ZC3H7A: variants seen among roughly 807,000 people sequenced by gnomAD.
ZC3H7A encodes zinc finger CCCH domain-containing protein 7A.
In ZC3H7A, 44 loss-of-function variants were observed where a neutral mutation model predicts 125.5. The observed-to-expected ratio is 0.35, with a 90% CI of 0.28 to 0.45. The LOEUF (loss-of-function observed/expected upper bound fraction) is 0.45. Ranked by LOEUF, ZC3H7A falls within the 20% of genes least tolerant of loss-of-function variation. ZC3H7A has a pLI of 1.00. For synonymous variants in ZC3H7A, 399 were observed against 391.2 expected (o/e 1.02, Z -0.23); for missense variants, 977 against 1,170.7 (o/e 0.83, Z 2.41).
chr16:11,792,266 A>C (rs2141223251), intron 1 of ZC3H7A, among the ~76,000 whole-genome samples: 1 of 152,350 alleles, frequency 6.6e-6, no homozygotes, highest in East Asian at 1.9e-4. Context: ...TAAGAATTTC[A>C]TTAAATTAAC....
chr16:11,795,335 C>A (rs2053419391), intron 1 of ZC3H7A, among the ~76,000 whole-genome samples: 1 of 152,208 alleles, frequency 6.6e-6, no homozygotes, highest in South Asian at 2.1e-4. Flanking sequence ...CTTCTCAGGG[C>A]CACCACCCAT....
rs547930710 is a variant in ZC3H7A at position 11,768,901 on chromosome 16, C to G, written c.1173+130G>C. On this transcript the variant is annotated intron_variant, in intron 11 of 22. Coordinates refer to ENST00000355758, the MANE Select transcript of ZC3H7A (RefSeq NM_014153.4). ...ATTACTAGATGTTCCAGAAGTCTTA[C>G]TTTAACACAATTTCCTGCAGCACAC... The G allele has an allele frequency of 2.3e-4, 211 of 913,264 alleles. No homozygotes were observed. In the African/African-American group the frequency reaches 3.3e-3, roughly 14 times the overall value. 56.6% of individuals were successfully genotyped at this position (913,264 alleles called of 1,614,324 possible).
chr16:11,790,650 C>T (rs1051948018), intron 1 of ZC3H7A, among the ~76,000 whole-genome samples: 2 of 151,890 alleles, frequency 1.3e-5, no homozygotes, highest in Admixed American at 1.3e-4. Flanking sequence ...AGCGATTCTT[C>T]TGCCTCAGCC....
At chr16:11,781,242 C>G (rs547669631) in intron 3 of ZC3H7A, among the ~76,000 whole-genome samples, 183 bp downstream of exon 3, 1 of 151,932 alleles carries the variant, frequency 6.6e-6, no homozygotes, top group African/African-American at 2.4e-5. Context: ...AATACATAAA[C>G]AAATGAGTGT....
At chr16:11,767,632 T>G in intron 12 of ZC3H7A, 54 bp from the exon 13 acceptor site, 1 of 1,467,520 alleles carries the variant, frequency 6.8e-7, no homozygotes, top group Non-Finnish European at 9.1e-7. Flanking sequence ...TCATTTCATT[T>G]TACAGGTAAA....
chr16:11,790,742 T>A (rs2053336263), intron 1 of ZC3H7A, among the ~76,000 whole-genome samples: 1 of 152,040 alleles, frequency 6.6e-6, no homozygotes. Flanking sequence ...TTTCTTCATG[T>A]TGGTCCAGCT....
chr16:11,753,333 A>G (rs12599036), intron 21 of ZC3H7A, among the ~76,000 whole-genome samples: 32,313 of 152,226 alleles, frequency 0.21, 4,103 homozygotes, highest in East Asian at 0.45. Context: ...AACAGATGCA[A>G]ACTATAAGTG....
At chr16:11,756,688 A>G (rs1317085593) in intron 20 of ZC3H7A, among the ~76,000 whole-genome samples, 1 of 152,192 alleles carries the variant, frequency 6.6e-6, no homozygotes, top group Non-Finnish European at 1.5e-5. Context: ...CAAAAGCCTC[A>G]CCACTGCCTC....
At chr16:11,769,503 T>C (rs1463202550) in intron 10 of ZC3H7A, among the ~76,000 whole-genome samples, 1 of 150,394 alleles carries the variant, frequency 6.6e-6, no homozygotes, top group Non-Finnish European at 1.5e-5. Context: ...AGGTCAGGAG[T>C]TTGAGACCAG....
Position 11,762,014 on chromosome 16 carries a change from A to G in ZC3H7A, c.2109T>C (p.Phe703=). 1 of 1,611,684 alleles carries G rather than the reference A, an allele frequency of 6.2e-7. No individual in the cohort carries two copies. Among genetic ancestry groups the G allele is most frequent in the Non-Finnish European group, 8.5e-7 (1 of 1,179,370 alleles). The part of the protein sequence containing the change: ...QVLGNQIMPG[F]LNMKIKFVCA... ...ACACAAACTTTATCTTCATATTAAG[A>G]AATCCAGGCATTATTTGATTACCAA... Residue 703 remains phenylalanine, a synonymous_variant, in exon 18 of 23, where the codon TTT becomes TTC. Coordinates refer to ENST00000355758, the MANE Select transcript of ZC3H7A (RefSeq NM_014153.4).
intron 3 of ZC3H7A, 42 bp from the exon 4 acceptor site, chr16:11,779,405 A>G (rs746870847): frequency 6.4e-7 from 1 of 1,555,772 alleles, no homozygotes; most frequent in Non-Finnish European, 8.8e-7. Context: ...TTTATCAAAC[A>G]AGATATGGTA....
At chr16:11,792,523 C>T (rs2053370599) in intron 1 of ZC3H7A, among the ~76,000 whole-genome samples, 1 of 152,214 alleles carries the variant, frequency 6.6e-6, no homozygotes. Context: ...CTCACATTAA[C>T]AGAAGACATC....
In ZC3H7A at chr16:11,774,247, C is replaced by A; in HGVS notation, c.892G>T (p.Glu298Ter). ...DLLDSAPETN[E>*]TVMPSALVRG... The stretch of plus-strand genomic sequence containing the variant: ...ACACTGAAACTTACCATAACAGTTT[C>A]ATTAGTTTCAGGTGCAGAATCAAGC... The change falls in exon 9 of 23, where the codon GAA becomes TAA. Residue 298 changes from glutamate to a stop codon, truncating the protein, a stop_gained. Coordinates refer to ENST00000355758, the MANE Select transcript of ZC3H7A (RefSeq NM_014153.4). LOFTEE classifies it high-confidence loss of function. 6.3e-7 allele frequency: 1 copy of A among 1,584,062 alleles called. No homozygotes were observed. Among genetic ancestry groups the A allele is most frequent in the Non-Finnish European group, 8.6e-7 (1 of 1,161,046 alleles).
At chr16:11,771,261 G>A (rs182275141) in intron 9 of ZC3H7A, among the ~76,000 whole-genome samples, 55 of 151,978 alleles carry the variant, frequency 3.6e-4, no homozygotes, top group African/African-American at 1.3e-3. Context: ...GGTGGCATGC[G>A]CCTGTAGTCC....
intron 19 of ZC3H7A, among the ~76,000 whole-genome samples, chr16:11,760,357 G>C (rs1399485322): frequency 2.0e-5 from 3 of 151,876 alleles, no homozygotes. Context: ...TTAAACCACA[G>C]GAAATCAAGG....
At chr16:11,784,267 T>A (rs998579103) in intron 1 of ZC3H7A, among the ~76,000 whole-genome samples, 1 of 152,186 alleles carries the variant, frequency 6.6e-6, no homozygotes, top group Admixed American at 6.5e-5. Flanking sequence ...GGAAGCTCAT[T>A]CCACCCTTCT....
chr16:11,761,813 C>G, intron 18 of ZC3H7A, 97 bp downstream of exon 18: 3 of 1,509,638 alleles, frequency 2.0e-6, no homozygotes, highest in Admixed American at 2.3e-5. Flanking sequence ...TTTCTCTCCT[C>G]TCTTCAAAGC....
intron 13 of ZC3H7A, among the ~76,000 whole-genome samples, chr16:11,766,892 A>G (rs1226112132): frequency 3.3e-5 from 5 of 152,218 alleles, no homozygotes; most frequent in Non-Finnish European, 7.3e-5. Context: ...CAAAAAAGAA[A>G]AAGTTAAATA....
At position 11,751,164 on chromosome 16, in the gene ZC3H7A, C is replaced by A; in HGVS notation, c.*153G>T. ...AGCGTGGCCAGGCCTGTGAAACAGC[C>A]CATTTTCCTACCTACTGTGGGTTGC... On this transcript the variant is annotated 3_prime_UTR_variant, in exon 23 of 23. Coordinates refer to ENST00000355758, the MANE Select transcript of ZC3H7A (RefSeq NM_014153.4). The A allele has an allele frequency of 1.3e-6, 1 of 749,940 alleles. No homozygotes were observed. The highest frequency in any genetic ancestry group is 2.1e-6 in the Non-Finnish European group (1 of 485,514). 46.5% of individuals were successfully genotyped at this position (749,940 alleles called of 1,614,324 possible). A position where few individuals can be genotyped will look rare whatever the true frequency, so the allele number is the denominator to read the frequency against.
Sources: allele counts gnomAD v4.1 joint callset (sites outside exome capture counted in the v4.1 genomes callset), GRCh38; gene constraint gnomAD v4.1.1; transcripts MANE v1.5; gene names NCBI Gene and HGNC (gene_info 2026-07-23, HGNC 2026-07-21).